Variants in PLCB4 observed in about 807,000 individuals in gnomAD.
The protein encoded by PLCB4 is phospholipase C beta 4.
In PLCB4, 77 loss-of-function variants were observed where a neutral mutation model predicts 178.8. That is an observed-to-expected ratio of 0.43 (90% CI 0.36 to 0.52). The LOEUF (loss-of-function observed/expected upper bound fraction) is 0.52, where lower values mean the gene tolerates loss of function less well. PLCB4 is among the 20% of genes least tolerant of loss of function. PLCB4 has a pLI of 0.00. For missense variants in PLCB4, 1,024 were observed against 1,453.4 expected (o/e 0.70, Z 4.80); for synonymous variants, 496 against 490.8 (o/e 1.01, Z -0.14).
At chr20:9,262,561 T>C (rs1185057130) in intron 3 of PLCB4, among the ~76,000 whole-genome samples, 2 of 152,102 alleles carry the variant, frequency 1.3e-5, no homozygotes, top group African/African-American at 4.8e-5. Context: ...GTTTTAATAA[T>C]AGAGGAGTTT....
intron 3 of PLCB4, among the ~76,000 whole-genome samples, chr20:9,237,596 G>A (rs2094007504): frequency 6.6e-6 from 1 of 152,142 alleles, no homozygotes; most frequent in Non-Finnish European, 1.5e-5. Context: ...AACTTGCCAG[G>A]GATTTCTGTG....
At chr20:9,104,987 A>G (rs1198456752) in intron 2 of PLCB4, among the ~76,000 whole-genome samples, 4 of 152,058 alleles carry the variant, frequency 2.6e-5, no homozygotes, top group Non-Finnish European at 5.9e-5. Flanking sequence ...TTTAAATATA[A>G]TATTAATCTT....
chr20:9,157,751 T>C (rs890855964), intron 2 of PLCB4, among the ~76,000 whole-genome samples: 2 of 152,186 alleles, frequency 1.3e-5, no homozygotes, highest in Admixed American at 6.5e-5. Context: ...CTAGATATAT[T>C]TACAAAATAC....
intron 20 of PLCB4, among the ~76,000 whole-genome samples, chr20:9,402,189 G>T (rs13037904): frequency 0.064 from 9,799 of 152,272 alleles, 344 homozygotes; most frequent in Middle Eastern, 0.11. Flanking sequence ...CAAGCAAGTA[G>T]TCAAATAACT....
chr20:9,251,924 A>G (rs1400748016), intron 3 of PLCB4, among the ~76,000 whole-genome samples: 1 of 152,178 alleles, frequency 6.6e-6, no homozygotes, highest in Non-Finnish European at 1.5e-5. Flanking sequence ...CATGTACCCA[A>G]TATATAAAAA....
At chr20:9,174,451 T>C (rs2093119861) in intron 2 of PLCB4, among the ~76,000 whole-genome samples, 1 of 142,800 alleles carries the variant, frequency 7.0e-6, no homozygotes. Context: ...GGCCTATTCT[T>C]CTTTTTTTTT....
chr20:9,338,062 C>T lies in PLCB4; in HGVS notation c.220C>T (p.Pro74Ser), dbSNP rs1016535633. The T allele has an allele frequency of 1.2e-6, 2 of 1,604,358 alleles. No homozygotes were observed. The highest frequency in any genetic ancestry group is 1.7e-6 in the Non-Finnish European group (2 of 1,171,544). Residue 74 changes from proline (P) to serine (S), a missense_variant, in exon 6 of 40, where the codon CCA becomes TCA. Coordinates refer to ENST00000378473, the MANE Select transcript of PLCB4 (RefSeq NM_001377142.1). ...CAACAGTATTCGGTCGGGAGCCATA[C>T]CAAAGGTACCTGTGATTGGTATTTG... is the stretch of plus-strand genomic sequence containing the variant. The part of the protein sequence containing the change: ...LINSIRSGAI[P>S]KDPKILAALE...
intron 2 of PLCB4, among the ~76,000 whole-genome samples, chr20:9,100,201 G>A (rs1442926463): frequency 3.9e-5 from 6 of 152,164 alleles, no homozygotes; most frequent in African/African-American, 1.4e-4. Context: ...AGAGCCACCT[G>A]TGGTGACCAG....
chr20:9,282,896 AT>A (rs1299760158), intron 3 of PLCB4, among the ~76,000 whole-genome samples: 8 of 152,112 alleles, frequency 5.3e-5, no homozygotes, highest in Non-Finnish European at 1.0e-4. Flanking sequence ...CCTTTTAAAC[AT>A]GATAATCTCA....
rs6118575 is a variant in PLCB4 at position 9,319,489 on chromosome 20, G to T, written c.84+11591G>T. 4.6e-3 allele frequency among the ~76,000 whole-genome samples: 697 copies of T among 152,224 alleles called. 7 individuals carry two copies. The highest frequency in any genetic ancestry group is 6.6e-3 in the South Asian group (32 of 4,818). ...AGGATTGGCTTACACAATTATGAAG[G>T]CTGAGAAATCTTATATCGTCTGTCT... On this transcript the variant is annotated intron_variant, in intron 4 of 39. Transcript: ENST00000378473.
At chr20:9,272,949 G>A (rs151327970) in intron 3 of PLCB4, among the ~76,000 whole-genome samples, 200 of 151,344 alleles carry the variant, frequency 1.3e-3, no homozygotes, top group African/African-American at 4.7e-3. Flanking sequence ...TATATAGAAG[G>A]TACTTTCTAT....
At chr20:9,191,199 A>G (rs945200190) in intron 2 of PLCB4, among the ~76,000 whole-genome samples, 1 of 152,174 alleles carries the variant, frequency 6.6e-6, no homozygotes, top group African/African-American at 2.4e-5. Flanking sequence ...TATCAGGGCT[A>G]TGGTTTGAAT....
intron 38 of PLCB4, among the ~76,000 whole-genome samples, chr20:9,474,955 T>C (rs1329605495): frequency 1.3e-5 from 2 of 152,212 alleles, no homozygotes; most frequent in Admixed American, 6.5e-5. Context: ...ACCTAGCTTA[T>C]GTTTTTGCTC....
intron 7 of PLCB4, among the ~76,000 whole-genome samples, chr20:9,346,362 A>C (rs1412593632): frequency 1.3e-5 from 2 of 152,206 alleles, no homozygotes; most frequent in Non-Finnish European, 2.9e-5. Context: ...GAGGCCTTAA[A>C]GAACTTACAT....
At chr20:9,340,713 T>C (rs1423444736) in intron 7 of PLCB4, among the ~76,000 whole-genome samples, 2 of 152,114 alleles carry the variant, frequency 1.3e-5, no homozygotes, top group Non-Finnish European at 2.9e-5. Flanking sequence ...TGGGTTCAAA[T>C]CCTTGCTCGT....
At chr20:9,141,761 T>C (rs1302549055) in intron 2 of PLCB4, among the ~76,000 whole-genome samples, 1 of 151,962 alleles carries the variant, frequency 6.6e-6, no homozygotes, top group Non-Finnish European at 1.5e-5. Flanking sequence ...AAGGGAATAA[T>C]AGGAATTAAA....
At chr20:9,120,586 G>C (rs1379730158) in intron 2 of PLCB4, among the ~76,000 whole-genome samples, 2 of 151,888 alleles carry the variant, frequency 1.3e-5, no homozygotes, top group Admixed American at 1.3e-4. Flanking sequence ...CCATTGTCTG[G>C]GTCAATACTA....
intron 4 of PLCB4, among the ~76,000 whole-genome samples, chr20:9,329,848 G>A (rs939172945): frequency 6.6e-6 from 1 of 152,122 alleles, no homozygotes; most frequent in Admixed American, 6.5e-5. Flanking sequence ...GATAGGAGAG[G>A]CACAAATGGA....
intron 28 of PLCB4, among the ~76,000 whole-genome samples, chr20:9,427,497 A>G (rs887133403): frequency 6.6e-6 from 1 of 152,236 alleles, no homozygotes; most frequent in Non-Finnish European, 1.5e-5. Context: ...TCCCTCTGTC[A>G]TACACAAATA....
Sources: gnomAD v4.1 joint callset for allele counts (sites outside exome capture counted in the v4.1 genomes callset) on GRCh38, gnomAD v4.1.1 for gene constraint, MANE v1.5 for transcripts, NCBI Gene and HGNC (gene_info 2026-07-23, HGNC 2026-07-21) for gene names.